The following TAS2R1 variants were observed in gnomAD, a reference collection of about 807,000 sequenced individuals.
TAS2R1 encodes taste receptor type 2 member 1.
For missense variants in TAS2R1, 370 were observed against 353.4 expected (o/e 1.05, Z -0.38); for synonymous variants, 141 against 134.2 (o/e 1.05, Z -0.35).
the TAS2R1 span, among the ~76,000 whole-genome samples, chr5:9,842,312 C>CTTTTTTTTTT: frequency 5.0e-5 from 6 of 120,378 alleles, no homozygotes; most frequent in African/African-American, 1.2e-4. Context: ...GTCTTTCTTT[C>CTTTTTTTTTT]TCTCTTTTTT....
At chr5:9,753,476 A>C in the TAS2R1 span, among the ~76,000 whole-genome samples, 4 of 151,736 alleles carry the variant, frequency 2.6e-5, no homozygotes, top group Non-Finnish European at 5.9e-5. Context: ...GATTGCAAAA[A>C]TTTTCTCCCA....
chr5:9,656,429 GC>G (rs1740420088), intron 2 of TAS2R1, among the ~76,000 whole-genome samples: 1 of 152,168 alleles, frequency 6.6e-6, no homozygotes, highest in Non-Finnish European at 1.5e-5. Flanking sequence ...TCTGCAGCTG[GC>G]CAGCTGGAGA....
the TAS2R1 span, among the ~76,000 whole-genome samples, chr5:9,767,335 C>T: frequency 6.6e-6 from 1 of 152,090 alleles, no homozygotes; most frequent in Non-Finnish European, 1.5e-5. Flanking sequence ...CTCCTACTTC[C>T]TGACTTGTCT....
the TAS2R1 span, among the ~76,000 whole-genome samples, chr5:9,872,047 T>A: frequency 6.6e-6 from 1 of 152,248 alleles, no homozygotes; most frequent in African/African-American, 2.4e-5. Context: ...TATATGGGCA[T>A]AAATATTCTA....
intron 1 of TAS2R1, among the ~76,000 whole-genome samples, chr5:9,694,811 T>C (rs1160285656): frequency 2.0e-5 from 3 of 152,240 alleles, no homozygotes; most frequent in Non-Finnish European, 4.4e-5. Context: ...TAATATCCCA[T>C]GGGGGTCATT....
intron 1 of TAS2R1, among the ~76,000 whole-genome samples, chr5:9,674,387 C>T (rs957220917): frequency 6.6e-6 from 1 of 152,062 alleles, no homozygotes; most frequent in Non-Finnish European, 1.5e-5. Context: ...TCCTACACAC[C>T]ATATAATCCA....
the TAS2R1 span, among the ~76,000 whole-genome samples, chr5:9,821,654 G>A: frequency 6.6e-6 from 1 of 152,258 alleles, no homozygotes; most frequent in Non-Finnish European, 1.5e-5. Flanking sequence ...AAGGATACAT[G>A]AGAAATTGAT....
chr5:9,797,335 C>T, the TAS2R1 span, among the ~76,000 whole-genome samples: 52 of 152,236 alleles, frequency 3.4e-4, no homozygotes, highest in South Asian at 0.01. Flanking sequence ...AATTCAATGT[C>T]AATGTCAGTA....
intron 1 of TAS2R1, among the ~76,000 whole-genome samples, chr5:9,676,630 T>C (rs531917856): frequency 1.3e-5 from 2 of 152,120 alleles, no homozygotes; most frequent in African/African-American, 2.4e-5. Flanking sequence ...AATCCAAATA[T>C]AAAATGCAAT....
chr5:9,862,413 C>T, the TAS2R1 span, among the ~76,000 whole-genome samples: 10 of 152,066 alleles, frequency 6.6e-5, no homozygotes, highest in African/African-American at 1.9e-4. Context: ...TGCAGAAAAG[C>T]AGCCGTGGAG....
the TAS2R1 span, among the ~76,000 whole-genome samples, chr5:9,795,656 C>T: frequency 6.6e-6 from 1 of 152,170 alleles, no homozygotes; most frequent in Non-Finnish European, 1.5e-5. Flanking sequence ...TTTCCTTCGG[C>T]ACAGGCTCAA....
intron 1 of TAS2R1, among the ~76,000 whole-genome samples, chr5:9,685,728 T>A (rs1741110880): frequency 6.6e-6 from 1 of 152,196 alleles, no homozygotes; most frequent in African/African-American, 2.4e-5. Context: ...CTATATAGTG[T>A]CCAGGGAAGA....
chr5:9,830,457 A>C, the TAS2R1 span, among the ~76,000 whole-genome samples: 1 of 152,178 alleles, frequency 6.6e-6, no homozygotes, highest in Admixed American at 6.5e-5. Context: ...TGACAGACAC[A>C]AAAATAGATG....
the TAS2R1 span, among the ~76,000 whole-genome samples, chr5:9,866,233 T>C: frequency 8.2e-3 from 1,251 of 152,316 alleles, 16 homozygotes; most frequent in African/African-American, 0.028. Flanking sequence ...AGGATTTCCA[T>C]TGGAATTTTT....
intron 1 of TAS2R1, among the ~76,000 whole-genome samples, chr5:9,712,019 G>C (rs1160764232): frequency 3.4e-5 from 3 of 87,840 alleles, no homozygotes; most frequent in Non-Finnish European, 6.3e-5. Context: ...AAGAGAGAAG[G>C]AAGGAAGGAA....
chr5:9,689,881 T>A (rs1027695659), intron 1 of TAS2R1, among the ~76,000 whole-genome samples: 3 of 152,208 alleles, frequency 2.0e-5, no homozygotes, highest in Admixed American at 2.0e-4. Flanking sequence ...TATCCTCGGA[T>A]GAAGTAATCA....
At chr5:9,902,360 T>C in the TAS2R1 span, among the ~76,000 whole-genome samples, 1 of 152,026 alleles carries the variant, frequency 6.6e-6, no homozygotes, top group Non-Finnish European at 1.5e-5. Context: ...CCCCAGATCC[T>C]GGAAGCAGAA....
At chr5:9,861,037 G>GTTTTTTTTTTTTTTTTTTTTTTTTTTTT in the TAS2R1 span, among the ~76,000 whole-genome samples, 285 of 88,462 alleles carry the variant, frequency 3.2e-3, 25 homozygotes, top group East Asian at 0.011. Context: ...GGAAGATGAG[G>GTTTTTTTTTTTTTTTTTTTTTTTTTTTT]TTTTTTTTTT....
At chr5:9,694,858 T>C (rs1741326618) in intron 1 of TAS2R1, among the ~76,000 whole-genome samples, 2 of 152,240 alleles carry the variant, frequency 1.3e-5, no homozygotes, top group Non-Finnish European at 2.9e-5. Flanking sequence ...TTCACCAGTG[T>C]TTTAATTTTT....
Sources: gnomAD v4.1 joint callset for allele counts (sites outside exome capture counted in the v4.1 genomes callset) on GRCh38, gnomAD v4.1.1 for gene constraint, MANE v1.5 for transcripts, NCBI Gene and HGNC (gene_info 2026-07-23, HGNC 2026-07-21) for gene names.